Variants in MAGI2 observed in about 807,000 individuals in gnomAD.
MAGI2 encodes the protein membrane-associated guanylate kinase, WW and PDZ domain-containing protein 2.
A neutral mutation model predicts 133.3 loss-of-function variants in MAGI2; 35 were observed. That is an observed-to-expected ratio of 0.26 (90% CI 0.20 to 0.35). The LOEUF is 0.35. MAGI2 is among the 10% of genes least tolerant of loss of function. The pLI is 1.00. For synonymous variants in MAGI2, 729 were observed against 710.6 expected, an observed-to-expected ratio of 1.03 and a Z score of -0.41; for missense variants, 1,636 against 1,863.4, an observed-to-expected ratio of 0.88 and a Z score of 2.25.
intron 3 of MAGI2, among the ~76,000 whole-genome samples, chr7:78,602,186 G>T (rs528467734): frequency 6.7e-6 from 1 of 148,386 alleles, no homozygotes; most frequent in South Asian, 2.1e-4. Context: ...CATTCTTGTT[G>T]CACAGGCTTG....
intron 2 of MAGI2, among the ~76,000 whole-genome samples, chr7:78,689,761 C>A (rs2151118442): frequency 8.5e-6 from 1 of 117,098 alleles, no homozygotes; most frequent in South Asian, 2.9e-4. Flanking sequence ...ATCAGTAATT[C>A]ATTCCCTTTT....
At chr7:78,316,144 G>A (rs560880737) in intron 9 of MAGI2, among the ~76,000 whole-genome samples, 17 of 152,244 alleles carry the variant, frequency 1.1e-4, no homozygotes, top group African/African-American at 3.6e-4. Context: ...TTTATCCCCT[G>A]CAGCTACTAC....
At chr7:79,389,000 A>G (rs765091686) in intron 1 of MAGI2, among the ~76,000 whole-genome samples, 6 of 152,096 alleles carry the variant, frequency 3.9e-5, no homozygotes, top group Middle Eastern at 3.4e-3. Context: ...CAGAAACGTC[A>G]AAGTTTTACT....
intron 2 of MAGI2, among the ~76,000 whole-genome samples, chr7:78,978,915 C>G (rs1042366854): frequency 1.3e-5 from 2 of 151,632 alleles, no homozygotes; most frequent in African/African-American, 4.8e-5. Flanking sequence ...TATACAGGAA[C>G]CGAACAACTG....
At chr7:78,679,676 A>G (rs531128966) in intron 2 of MAGI2, among the ~76,000 whole-genome samples, 3 of 152,192 alleles carry the variant, frequency 2.0e-5, no homozygotes, top group Admixed American at 6.6e-5. Context: ...GCTATTCTGG[A>G]GTTTACACGT....
intron 6 of MAGI2, among the ~76,000 whole-genome samples, chr7:78,444,663 G>A (rs1346566152): frequency 6.6e-6 from 1 of 151,820 alleles, no homozygotes; most frequent in Non-Finnish European, 1.5e-5. Context: ...TGATCCTGAT[G>A]TCATTTATTT....
intron 2 of MAGI2, among the ~76,000 whole-genome samples, chr7:78,933,306 T>C (rs1800276761): frequency 6.6e-6 from 1 of 152,132 alleles, no homozygotes; most frequent in South Asian, 2.1e-4. Context: ...CTTAGATCAA[T>C]GAAGAGTAAA....
chr7:79,401,955 T>A (rs1012021213), intron 1 of MAGI2, among the ~76,000 whole-genome samples: 1 of 152,014 alleles, frequency 6.6e-6, no homozygotes, highest in Admixed American at 6.6e-5. Flanking sequence ...CCCCACCAAA[T>A]AAAGAATAAA....
At chr7:78,789,188 C>A (rs1023887395) in intron 2 of MAGI2, among the ~76,000 whole-genome samples, 1 of 152,152 alleles carries the variant, frequency 6.6e-6, no homozygotes, top group Non-Finnish European at 1.5e-5. Flanking sequence ...CTGTTCTCTC[C>A]TCTCCCTAAG....
chr7:78,826,953 G>C (rs529505838), intron 2 of MAGI2, among the ~76,000 whole-genome samples: 3 of 152,244 alleles, frequency 2.0e-5, no homozygotes, highest in Non-Finnish European at 2.9e-5. Context: ...GTTGAAATGA[G>C]AGGCTACAGA....
intron 2 of MAGI2, among the ~76,000 whole-genome samples, chr7:78,758,912 C>G (rs1184788084): frequency 6.6e-6 from 1 of 152,148 alleles, no homozygotes; most frequent in Non-Finnish European, 1.5e-5. Context: ...GGTAGTTAAT[C>G]TGTCACATTC....
At chr7:78,276,918 C>A (rs1380763424) in intron 9 of MAGI2, among the ~76,000 whole-genome samples, 1 of 152,032 alleles carries the variant, frequency 6.6e-6, no homozygotes, top group Non-Finnish European at 1.5e-5. Flanking sequence ...ATTTTGGAGT[C>A]ATCAATATAG....
chr7:78,236,425 C>T (rs1330227933), intron 10 of MAGI2, among the ~76,000 whole-genome samples: 2 of 152,130 alleles, frequency 1.3e-5, no homozygotes, highest in Non-Finnish European at 2.9e-5. Context: ...TTCTTCTCTC[C>T]CTGGTGTCAT....
chr7:79,156,574 A>T (rs1482943691), intron 1 of MAGI2, among the ~76,000 whole-genome samples: 1 of 152,062 alleles, frequency 6.6e-6, no homozygotes, highest in African/African-American at 2.4e-5. Context: ...TCAACCAGAA[A>T]ATGTTTAAAT....
At chr7:78,313,067 G>C (rs1242871342) in intron 9 of MAGI2, among the ~76,000 whole-genome samples, 2 of 151,958 alleles carry the variant, frequency 1.3e-5, no homozygotes, top group African/African-American at 4.8e-5. Flanking sequence ...GACATGGATG[G>C]AACTGGAGGT....
intron 5 of MAGI2, among the ~76,000 whole-genome samples, chr7:78,497,141 G>A (rs1794162823): frequency 6.6e-6 from 1 of 151,976 alleles, no homozygotes; most frequent in Non-Finnish European, 1.5e-5. Flanking sequence ...TTAATATACT[G>A]CCTATTTCAA....
intron 2 of MAGI2, among the ~76,000 whole-genome samples, chr7:78,989,444 G>C (rs979822399): frequency 6.6e-6 from 1 of 152,024 alleles, no homozygotes; most frequent in African/African-American, 2.4e-5. Context: ...TGGAAGACAT[G>C]ATAGCACAAT....
intron 2 of MAGI2, among the ~76,000 whole-genome samples, chr7:78,953,136 C>T (rs1242222036): frequency 6.6e-6 from 1 of 152,152 alleles, no homozygotes; most frequent in East Asian, 1.9e-4. Context: ...AATACATCCA[C>T]ACTTCTAACA....
chr7:78,052,388 T>C (rs1056233320), intron 21 of MAGI2, among the ~76,000 whole-genome samples: 7 of 152,156 alleles, frequency 4.6e-5, no homozygotes, highest in Non-Finnish European at 1.0e-4. Context: ...ACGTGACTGC[T>C]GCACAGTTTC....
Sources: allele counts gnomAD v4.1 joint callset (sites outside exome capture counted in the v4.1 genomes callset), GRCh38; gene constraint gnomAD v4.1.1; transcripts MANE v1.5; gene names NCBI Gene and HGNC (gene_info 2026-07-23, HGNC 2026-07-21).